Variants in CNTN5 observed in about 807,000 individuals in gnomAD.
CNTN5 encodes the protein contactin-5.
CNTN5 carries 77 observed loss-of-function variants against 129.1 expected under a neutral mutation model. The observed-to-expected ratio is 0.60, with a 90% CI of 0.50 to 0.72. The LOEUF (loss-of-function observed/expected upper bound fraction) is 0.72, where lower values mean the gene tolerates loss of function less well. Among genes scored for constraint, CNTN5 ranks in the 30% least tolerant of loss-of-function variants. The probability of loss-of-function intolerance (pLI) is 0.00; values close to 1 mark genes in which losing one functional copy is unlikely to be tolerated. For synonymous variants in CNTN5, 509 were observed against 465.6 expected, an observed-to-expected ratio of 1.09 and a Z score of -1.20; for missense variants, 1,478 against 1,328.8, an observed-to-expected ratio of 1.11 and a Z score of -1.75.
At chr11:100,212,179 C>A (rs1447857813) in intron 15 of CNTN5, among the ~76,000 whole-genome samples, 1 of 151,972 alleles carries the variant, frequency 6.6e-6, no homozygotes, top group African/African-American at 2.4e-5. Flanking sequence ...CATTCTTTTT[C>A]TGAATCTCAT....
intron 1 of CNTN5, among the ~76,000 whole-genome samples, chr11:99,224,659 T>TTA: frequency 7.0e-6 from 1 of 142,794 alleles, no homozygotes. Flanking sequence ...AAGGTTGCAT[T>TTA]TTTTTTTTTT....
chr11:99,050,447 A>G (rs1044376728), intron 1 of CNTN5, among the ~76,000 whole-genome samples: 2 of 151,898 alleles, frequency 1.3e-5, no homozygotes, highest in African/African-American at 2.4e-5. Context: ...TAATATTAGT[A>G]TTTGTCAGAA....
chr11:99,233,968 A>G (rs981205233), intron 1 of CNTN5, among the ~76,000 whole-genome samples: 1 of 151,988 alleles, frequency 6.6e-6, no homozygotes, highest in African/African-American at 2.4e-5. Flanking sequence ...AAATAAATAA[A>G]TAATAATTTG....
At chr11:99,752,413 G>T (rs1160007113) in intron 3 of CNTN5, among the ~76,000 whole-genome samples, 1 of 152,080 alleles carries the variant, frequency 6.6e-6, no homozygotes, top group Admixed American at 6.5e-5. Flanking sequence ...CTGAATAAAT[G>T]AAAAGATAAA....
intron 1 of CNTN5, among the ~76,000 whole-genome samples, chr11:99,315,343 G>A (rs1865296341): frequency 6.7e-6 from 1 of 149,580 alleles, no homozygotes; most frequent in African/African-American, 2.4e-5. Context: ...CTGTAGGCTT[G>A]TTGGTAAGGA....
In CNTN5 at chr11:100,051,277, C is replaced by T. The variant is rs1942940890; in HGVS notation, c.981-9935C>T. 2.6e-5 allele frequency among the ~76,000 whole-genome samples: 4 copies of T among 152,074 alleles called. No individual in the cohort carries two copies. The South Asian group carries it at 6.2e-4, about 24-fold the overall frequency. ...AAACAAGTCTTACCCCTAAAAAAGA[C>T]TAAAAACGAAGAGCGTATGCTCTCT... is the stretch of plus-strand genomic sequence containing the variant. On this transcript the variant is annotated intron_variant, in intron 9 of 24. Coordinates refer to ENST00000524871, the MANE Select transcript of CNTN5 (RefSeq NM_014361.4).
chr11:99,999,359 C>G (rs1241186485), intron 8 of CNTN5, among the ~76,000 whole-genome samples: 1 of 152,196 alleles, frequency 6.6e-6, no homozygotes, highest in African/African-American at 2.4e-5. Context: ...CATGAACAGA[C>G]ACTTCTCAAA....
intron 2 of CNTN5, among the ~76,000 whole-genome samples, chr11:99,480,626 TACA>T (rs1396851474): frequency 6.6e-6 from 1 of 152,216 alleles, no homozygotes; most frequent in Non-Finnish European, 1.5e-5. Context: ...ATCTTTGCTT[TACA>T]ACCTGTTTCC....
intron 2 of CNTN5, among the ~76,000 whole-genome samples, chr11:99,507,858 G>A (rs1591183133): frequency 6.6e-6 from 1 of 152,074 alleles, no homozygotes; most frequent in African/African-American, 2.4e-5. Context: ...GTATTTTTCT[G>A]GACCTAGTAA....
chr11:100,288,329 C>G (rs1324123549), intron 18 of CNTN5, among the ~76,000 whole-genome samples: 1 of 152,012 alleles, frequency 6.6e-6, no homozygotes, highest in Non-Finnish European at 1.5e-5. Flanking sequence ...CCACACCACA[C>G]CTATTCGAAA....
At chr11:99,597,911 G>A (rs925151591) in intron 3 of CNTN5, among the ~76,000 whole-genome samples, 2 of 152,068 alleles carry the variant, frequency 1.3e-5, no homozygotes, top group Admixed American at 1.3e-4. Flanking sequence ...TTGGTTCCTT[G>A]GGTGTGTGGG....
intron 3 of CNTN5, among the ~76,000 whole-genome samples, chr11:99,654,936 G>C (rs925311111): frequency 4.6e-5 from 7 of 152,048 alleles, no homozygotes; most frequent in Non-Finnish European, 1.0e-4. Context: ...GAGGAGATGG[G>C]AGGACACATC....
intron 10 of CNTN5, among the ~76,000 whole-genome samples, chr11:100,069,552 C>T (rs1052054891): frequency 3.3e-5 from 5 of 152,156 alleles, no homozygotes; most frequent in South Asian, 2.1e-4. Flanking sequence ...CTTTTAGAGC[C>T]GCTCTGTTTC....
Position 99,327,463 on chromosome 11 carries a change from T to A in CNTN5, c.-71+1979T>A, listed in dbSNP as rs189215911. On this transcript the variant is annotated intron_variant, in intron 2 of 24. Transcript: ENST00000524871. The stretch of plus-strand genomic sequence containing the variant: ...ATAAATTCAGGTTTCAAGTTGAGGA[T>A]GTAGAGTGTATTTAACTGTACAGAG... Among the ~76,000 whole-genome samples, 102 of 152,288 alleles carry A rather than the reference T, an allele frequency of 6.7e-4. 1 individual carries two copies. Among genetic ancestry groups the A allele is most frequent in the Admixed American group, 1.5e-3 (23 of 15,294 alleles).
intron 1 of CNTN5, among the ~76,000 whole-genome samples, chr11:99,323,328 G>A (rs1469185394): frequency 6.6e-6 from 1 of 152,074 alleles, no homozygotes; most frequent in Non-Finnish European, 1.5e-5. Context: ...TTAAAGACAA[G>A]CATGAGTTTA....
intron 3 of CNTN5, among the ~76,000 whole-genome samples, chr11:99,806,676 G>A (rs140433468): frequency 2.0e-3 from 309 of 151,520 alleles, no homozygotes; most frequent in African/African-American, 7.0e-3. Context: ...GTGTGGTGGC[G>A]CGCACCTCTA....
chr11:100,255,015 A>C (rs769048160), intron 16 of CNTN5, among the ~76,000 whole-genome samples: 49 of 152,188 alleles, frequency 3.2e-4, no homozygotes, highest in Non-Finnish European at 6.3e-4. Context: ...ATTCGTTCTT[A>C]AAGATGAAGT....
intron 2 of CNTN5, among the ~76,000 whole-genome samples, chr11:99,327,354 A>G (rs1444525316): frequency 1.3e-5 from 2 of 152,186 alleles, no homozygotes; most frequent in African/African-American, 4.8e-5. Flanking sequence ...CATTCTATCA[A>G]TTACCAACCA....
intron 2 of CNTN5, among the ~76,000 whole-genome samples, chr11:99,526,212 A>G (rs1947478806): frequency 6.6e-6 from 1 of 152,324 alleles, no homozygotes. Flanking sequence ...TTAGGAAATG[A>G]CGTGGTAGAA....
Sources: allele counts gnomAD v4.1 joint callset (sites outside exome capture counted in the v4.1 genomes callset), GRCh38; gene constraint gnomAD v4.1.1; transcripts MANE v1.5; gene names NCBI Gene and HGNC (gene_info 2026-07-23, HGNC 2026-07-21).